The following PTPRF variants were observed in gnomAD, a reference collection of about 807,000 sequenced individuals.
PTPRF encodes protein tyrosine phosphatase receptor type F, also known as receptor-type tyrosine-protein phosphatase F.
PTPRF carries 59 observed loss-of-function variants against 201.8 expected under a neutral mutation model. The ratio of observed to expected loss-of-function variants is 0.29; its 90% confidence interval spans 0.24 to 0.36. The LOEUF (loss-of-function observed/expected upper bound fraction) is 0.36, where lower values mean the gene tolerates loss of function less well. PTPRF is among the 10% of genes least tolerant of loss of function. PTPRF has a pLI of 1.00. For missense variants in PTPRF, 2,132 were observed against 2,690.5 expected (o/e 0.79, Z 4.59); for synonymous variants, 1,088 against 1,089.7 (o/e 1.00, Z 0.03).
At chr1:43,605,757 C>T (rs935372035) in intron 19 of PTPRF, 135 bp downstream of exon 19, 3 of 860,804 alleles carry the variant, frequency 3.5e-6, no homozygotes, top group Admixed American at 4.3e-5. Flanking sequence ...TGGCAGCCCG[C>T]CCCTCTCTGG....
At chr1:43,607,571 A>G (rs1428089484) in intron 21 of PTPRF, among the ~76,000 whole-genome samples, 3 of 152,230 alleles carry the variant, frequency 2.0e-5, no homozygotes, top group Non-Finnish European at 4.4e-5. Context: ...TTCCAGCCTG[A>G]AAGGGATTTC....
intron 23 of PTPRF, among the ~76,000 whole-genome samples, chr1:43,615,244 G>A (rs1218018545): frequency 6.6e-6 from 1 of 152,334 alleles, no homozygotes; most frequent in Non-Finnish European, 1.5e-5. Flanking sequence ...GGCCCCCCTG[G>A]GGCCCTGCTC....
At chr1:43,616,041 T>G (rs516790) in intron 23 of PTPRF, among the ~76,000 whole-genome samples, 118,342 of 151,782 alleles carry the variant, frequency 0.78, 46,981 homozygotes, top group African/African-American at 0.92. Flanking sequence ...TGTTGAATAG[T>G]ACCGACAGGC....
intron 28 of PTPRF, 39 bp from the exon 29 acceptor site, chr1:43,619,641 A>C (rs375429979): frequency 1.2e-6 from 2 of 1,610,916 alleles, no homozygotes; most frequent in South Asian, 1.1e-5. Context: ...CCCCACCCCC[A>C]CAGGAAGCCT....
intron 16 of PTPRF, among the ~76,000 whole-genome samples, chr1:43,604,530 C>T (rs530686599): frequency 6.6e-6 from 1 of 152,206 alleles, no homozygotes; most frequent in African/African-American, 2.4e-5. Flanking sequence ...CCACCGACCT[C>T]TAGTGAACAT....
chr1:43,589,835 A>G (rs1259366602), intron 8 of PTPRF, among the ~76,000 whole-genome samples: 1 of 150,454 alleles, frequency 6.6e-6, no homozygotes, highest in East Asian at 2.0e-4. Flanking sequence ...ACACCACTGC[A>G]CTCCAGCCTG....
Position 43,603,641 on chromosome 1 carries a change from C to T in PTPRF, c.2489C>T (p.Thr830Ile). ...VPGRPTMMIS[T>I]TAMNTALLQW... ...GGCCGGCCCACCATGATGATCAGCACCACGGCCATGAACACTGCGCTGCTC... is the reference window on the plus strand; with the variant it reads ...GGCCGGCCCACCATGATGATCAGCATCACGGCCATGAACACTGCGCTGCTC... Residue 830 changes from threonine (T) to isoleucine (I), a missense_variant, in exon 16 of 34, where the codon ACC (threonine) becomes ATC (isoleucine). Thr to Ile is a moderately conservative substitution (Grantham distance 89, BLOSUM62 -1). Coordinates refer to ENST00000359947, the MANE Select transcript of PTPRF (RefSeq NM_002840.5). The surrounding 1 kb of genome is among the most constrained non-coding windows in gnomAD (Gnocchi z 5.8). 6.2e-7 allele frequency: 1 copy of T among 1,613,476 alleles called. No individual in the cohort carries two copies. Among genetic ancestry groups the T allele is most frequent in the Non-Finnish European group, 8.5e-7 (1 of 1,179,950 alleles).
intron 16 of PTPRF, 149 bp from the exon 17 acceptor site, chr1:43,604,754 G>A (rs1163652244): frequency 2.0e-5 from 14 of 685,514 alleles, no homozygotes; most frequent in Non-Finnish European, 3.1e-5. Context: ...GAAGCTGGCT[G>A]GGAGTGGGGC....
At chr1:43,605,120 C>T (rs920862589) in intron 17 of PTPRF, 70 bp from the exon 18 acceptor site, 17 of 1,575,860 alleles carry the variant, frequency 1.1e-5, no homozygotes, top group Middle Eastern at 3.5e-4. Flanking sequence ...TGTATCCGTG[C>T]ACTGTGCCTT....
At chr1:43,590,035 T>G (rs940496546) in intron 8 of PTPRF, among the ~76,000 whole-genome samples, 4 of 152,168 alleles carry the variant, frequency 2.6e-5, no homozygotes, top group Non-Finnish European at 5.9e-5. Context: ...TCCCGTTGTT[T>G]TAGGATACAG....
At chr1:43,583,051 T>C in intron 7 of PTPRF, 1 of 984,662 alleles carries the variant, frequency 1.0e-6, no homozygotes, top group South Asian at 4.7e-5. Context: ...TTCATCGCAC[T>C]CTGCCATCAA....
At chr1:43,598,462 G>C (rs562810897) in intron 12 of PTPRF, 225 of 520,612 alleles carry the variant, frequency 4.3e-4, no homozygotes, top group Non-Finnish European at 6.7e-4. Flanking sequence ...ACCTCCACCT[G>C]TTCCCCCATG....
chr1:43,588,891 T>C lies in PTPRF; in HGVS notation c.840T>C (p.Val280=). Residue 280 remains valine, a synonymous_variant, in exon 8 of 34, where the codon GTT becomes GTC. Transcript: ENST00000359947. This position sits in a 1 kb window ranked among gnomAD's most constrained non-coding sequence, Gnocchi z 5.3. ...EELTKEDEMP[V]GRNVLELSNV... is the part of the protein sequence containing the mutation. ...TCACCAAGGAGGATGAGATGCCAGT[T>C]GGCCGCAACGTCCTGGAGCTCAGCA... The C allele has an allele frequency of 6.2e-7, 1 of 1,613,912 alleles. No individual in the cohort carries two copies. The highest frequency in any genetic ancestry group is 1.1e-5 in the South Asian group (1 of 91,070).
At chr1:43,611,551 T>C (rs1418491646) in intron 22 of PTPRF, among the ~76,000 whole-genome samples, 1 of 152,148 alleles carries the variant, frequency 6.6e-6, no homozygotes, top group East Asian at 1.9e-4. Flanking sequence ...GGCTTAGACT[T>C]CCTCTTCAGG....
rs541254065 is a variant in PTPRF, at chr1:43,603,900, C to T, written c.2748C>T (p.Ser916=). Residue 916 remains serine (S), a synonymous_variant, in exon 16 of 34, where the codon AGC becomes AGT. Coordinates refer to ENST00000359947, the MANE Select transcript of PTPRF (RefSeq NM_002840.5). The surrounding 1 kb of genome is among the most constrained non-coding windows in gnomAD (Gnocchi z 5.8). ...TCAGGACCCCCGAGGACCTGCCCAG[C>T]GGCTTCCCCCAAAACCTGCATGTGA... ...KEIRTPEDLP[S]GFPQNLHVTG... 26 of 1,614,076 alleles carry T rather than the reference C, an allele frequency of 1.6e-5. No homozygotes were observed. The highest frequency in any genetic ancestry group is 1.1e-4 in the African/African-American group (8 of 75,058).
Position 43,603,914 on chromosome 1 carries a change from A to G in PTPRF, c.2762A>G (p.Asn921Ser). 6.2e-7 allele frequency: 1 copy of G among 1,613,834 alleles called. No individual in the cohort carries two copies. Reference protein sequence around the residue: ...PEDLPSGFPQNLHVTGLTTST... With the variant: ...PEDLPSGFPQSLHVTGLTTST... ...GACCTGCCCAGCGGCTTCCCCCAAA[A>G]CCTGCATGTGACAGGACTGACCACG... is the stretch of plus-strand genomic sequence containing the variant. The change falls in exon 16 of 34, where the codon AAC becomes AGC. Residue 921 changes from asparagine to serine, a missense_variant. Coordinates refer to ENST00000359947, the MANE Select transcript of PTPRF (RefSeq NM_002840.5). This position sits in a 1 kb window ranked among gnomAD's most constrained non-coding sequence, Gnocchi z 5.8.
Position 43,606,604 on chromosome 1 carries a change from G to C in PTPRF, c.3702+146G>C, listed in dbSNP as rs1008121787. 9.1e-6 allele frequency: 10 copies of C among 1,096,638 alleles called. No homozygotes were observed. In the African/African-American group the frequency reaches 1.6e-4, roughly 17 times the overall value. The allele number at this position is 1,096,638 out of a possible 1,614,324, so 67.9% of individuals were successfully genotyped here. On this transcript the variant is annotated intron_variant, in intron 20 of 33. Transcript: ENST00000359947. ...GGGCAGCACTAAAGACCCAAGATCT[G>C]TCCCGGGGATCCTAAGACGCGGCCC...
At position 43,591,849 on chromosome 1, in the gene PTPRF, G is replaced by A. The variant is rs1279240654; in HGVS notation, c.1569G>A (p.Glu523=). Residue 523 remains glutamate (E), a synonymous_variant, in exon 10 of 34, where the codon GAG becomes GAA. Coordinates refer to ENST00000359947, the MANE Select transcript of PTPRF (RefSeq NM_002840.5). ...AQPADFQAEV[E]SDTRIQLSWL... Reference sequence around the variant, plus strand: ...CCGCGGACTTCCAGGCCGAGGTGGAGTCGGACACCAGGATCCAGCTCTCGT... The same window carrying A: ...CCGCGGACTTCCAGGCCGAGGTGGAATCGGACACCAGGATCCAGCTCTCGT... 3 of 1,613,496 alleles carry A rather than the reference G, an allele frequency of 1.9e-6. No individual in the cohort carries two copies. Among genetic ancestry groups the A allele is most frequent in the Non-Finnish European group, 8.5e-7 (1 of 1,180,026 alleles).
chr1:43,620,250 T>C, intron 30 of PTPRF, 29 bp downstream of exon 30: 1 of 1,611,830 alleles, frequency 6.2e-7, no homozygotes, highest in Non-Finnish European at 8.5e-7. Context: ...CCAGGGCCCC[T>C]GTCATACCTG....
Sources: gnomAD v4.1 joint callset for allele counts (sites outside exome capture counted in the v4.1 genomes callset) on GRCh38, gnomAD v4.1.1 for gene constraint, Gnocchi (gnomAD v3.1) non-coding constraint, MANE v1.5 for transcripts, NCBI Gene and HGNC (gene_info 2026-07-23, HGNC 2026-07-21) for gene names.